The following HOOK2 variants were observed in gnomAD, a reference collection of about 807,000 sequenced individuals.
HOOK2 encodes protein Hook homolog 2.
HOOK2 carries 108 observed loss-of-function variants against 111.9 expected under a neutral mutation model. The ratio of observed to expected loss-of-function variants is 0.96; its 90% CI spans 0.83 to 1.13. HOOK2 has a LOEUF of 1.13. Ranked by LOEUF, HOOK2 falls within the 50% of genes most tolerant of loss-of-function variation. The pLI is 0.00. For synonymous variants in HOOK2, 405 were observed against 394.3 expected, an observed-to-expected ratio of 1.03 and a Z score of -0.32; for missense variants, 978 against 951.3, an observed-to-expected ratio of 1.03 and a Z score of -0.37.
At position 12,766,163 on chromosome 19, in the gene HOOK2, T is replaced by TG; in HGVS notation, c.1450_1451insC (p.Glu484AlafsTer49). On this transcript the variant is annotated frameshift_variant, in exon 15 of 23. Transcript: ENST00000397668. LOFTEE classifies it high-confidence loss of function. Reference sequence around the variant, plus strand: ...GGCATCCTCCAGGTGGCGCTGCAGCTCCTCCTGCCGCTCCCGGTCGGCCGC... The same window carrying TG: ...GGCATCCTCCAGGTGGCGCTGCAGCTGCCTCCTGCCGCTCCCGGTCGGCCGC... 6.3e-7 allele frequency: 1 copy of TG among 1,596,120 alleles called. No individual in the cohort carries two copies. Among genetic ancestry groups the TG allele is most frequent in the Non-Finnish European group, 8.5e-7 (1 of 1,178,054 alleles).
chr19:12,774,552 G>A (rs757432208), intron 3 of HOOK2, 117 bp downstream of exon 3: 1 of 965,128 alleles, frequency 1.0e-6, no homozygotes, highest in African/African-American at 1.6e-5. Flanking sequence ...TGAACAAATG[G>A]TTGATCACCA....
At chr19:12,770,263 C>T (rs555050475) in intron 10 of HOOK2, among the ~76,000 whole-genome samples, 181 bp from the exon 11 acceptor site, 2 of 152,054 alleles carry the variant, frequency 1.3e-5, no homozygotes, top group South Asian at 2.1e-4. Flanking sequence ...AGAGTCATTA[C>T]AGCAATGGTT....
At position 12,772,241 on chromosome 19, in the gene HOOK2, T is replaced by G. The variant is rs977683666; in HGVS notation, c.468A>C (p.Lys156Asn). The part of the protein sequence containing the change: ...VMEAIQELMT[K>N]DTPDSLSPET... Reference sequence around the variant, plus strand: ...CTGGTGACAGGGAGTCAGGAGTGTCTTTGGTCATGAGCTGAGGAGTGGGAA... The same window carrying G: ...CTGGTGACAGGGAGTCAGGAGTGTCGTTGGTCATGAGCTGAGGAGTGGGAA... The change falls in exon 7 of 23, where the codon AAA becomes AAC. Residue 156 changes from lysine to asparagine, a missense_variant. Coordinates refer to ENST00000397668, the MANE Select transcript of HOOK2 (RefSeq NM_013312.3). The G allele has an allele frequency of 6.2e-7, 1 of 1,614,080 alleles. No homozygotes were observed. The highest frequency in any genetic ancestry group is 1.1e-5 in the South Asian group (1 of 91,090).
At chr19:12,777,355 G>T (rs536662087), upstream of HOOK2, among the ~76,000 whole-genome samples, 2 of 150,878 alleles carry the variant, frequency 1.3e-5, no homozygotes, top group African/African-American at 4.9e-5. Context: ...GGTGGCACGC[G>T]CCTATTCCCA....
rs137914046 is a variant in HOOK2 at position 12,790,866 on chromosome 19, A to G, written n.42-16641T>C. On this transcript the variant is annotated intron_variant and non_coding_transcript_variant, in intron 3 of 3. Transcript: ENST00000589765. The surrounding 1 kb of genome is among the most constrained non-coding windows in gnomAD (Gnocchi z 7.2). ...AGCTCCCATGAGCTCCTGGACCCCT[A>G]CTCATTTCTTGCAATTTAATGGGTC... Among the ~76,000 whole-genome samples, 1 of 151,370 alleles carries G rather than the reference A, an allele frequency of 6.6e-6. No individual in the cohort carries two copies. Among genetic ancestry groups the G allele is most frequent in the Non-Finnish European group, 1.5e-5 (1 of 67,834 alleles).
chr19:12,771,624 T>C (rs898613497), intron 7 of HOOK2, 147 bp from the exon 8 acceptor site: 1 of 695,826 alleles, frequency 1.4e-6, no homozygotes, highest in Non-Finnish European at 2.4e-6. Context: ...GGCTCGCGCC[T>C]ATAATCCCAG....
At chr19:12,764,279 G>C (rs1968083992) in intron 20 of HOOK2, 1 of 158,532 alleles carries the variant, frequency 6.3e-6, no homozygotes, top group Non-Finnish European at 1.4e-5. Flanking sequence ...CTCCCAAAGT[G>C]CTGGGATTAG....
intron 7 of HOOK2, chr19:12,771,978 C>T (rs1968350432): frequency 3.6e-6 from 2 of 563,044 alleles, no homozygotes; most frequent in Admixed American, 6.0e-5. Flanking sequence ...AGACCTGGTA[C>T]AGGAAGTGGC....
upstream of HOOK2, among the ~76,000 whole-genome samples, chr19:12,778,911 G>A (rs944089361): frequency 2.6e-5 from 4 of 152,150 alleles, no homozygotes; most frequent in South Asian, 2.1e-4. Flanking sequence ...ATGTCGGCGG[G>A]GAAGACAGCA....
chr19:12,765,671 C>G lies in HOOK2; in HGVS notation c.1640+19G>C. 1.2e-6 allele frequency: 2 copies of G among 1,614,088 alleles called. No homozygotes were observed. Among genetic ancestry groups the G allele is most frequent in the Non-Finnish European group, 1.7e-6 (2 of 1,179,984 alleles). On this transcript the variant is annotated intron_variant, in intron 18 of 22. Transcript: ENST00000397668. ...CAAATCCATGCCCCCACGAGGAGTTCCCTCTTTCTGCGACTTACAAATGTT... is the reference window on the plus strand; with the variant it reads ...CAAATCCATGCCCCCACGAGGAGTTGCCTCTTTCTGCGACTTACAAATGTT...
intron 3 of HOOK2, 169 bp from the exon 4 acceptor site, chr19:12,773,213 G>C (rs1968388492): frequency 3.8e-6 from 2 of 520,322 alleles, no homozygotes; most frequent in Non-Finnish European, 3.4e-6. Flanking sequence ...CCTTTTGTCT[G>C]CCTGACCATC....
At position 12,771,530 on chromosome 19, in the gene HOOK2, G is replaced by A. The variant is rs895997053; in HGVS notation, c.520-53C>T. On this transcript the variant is annotated intron_variant, in intron 7 of 22. Transcript: ENST00000397668. ...CAGGGATTCAGGAGAAGGACGGGGG[G>A]AGGGAGGCTGAGATCTCTAGAGGCC... 3.9e-5 allele frequency: 58 copies of A among 1,472,908 alleles called. No individual in the cohort carries two copies. The African/African-American group carries it at 6.9e-4, about 18-fold the overall frequency. 91.2% of individuals were successfully genotyped at this position (1,472,908 alleles called of 1,614,324 possible). A position where few individuals can be genotyped will look rare whatever the true frequency, so the allele number is the denominator to read the frequency against.
chr19:12,775,046 T>A (rs1254664252), intron 1 of HOOK2, 149 bp from the exon 2 acceptor site: 2 of 1,113,698 alleles, frequency 1.8e-6, no homozygotes, highest in Non-Finnish European at 2.5e-6. Context: ...TGGCTTCTGC[T>A]CACCTGAGAC....
At chr19:12,775,149 C>T in intron 1 of HOOK2, 1 of 977,564 alleles carries the variant, frequency 1.0e-6, no homozygotes, top group South Asian at 4.7e-5. Flanking sequence ...CCCACAGGCA[C>T]CACGTGACCA....
intron 4 of HOOK2, 22 bp from the exon 5 acceptor site, chr19:12,772,934 G>A (rs1011846423): frequency 6.2e-7 from 1 of 1,614,188 alleles, no homozygotes. Context: ...GGGGTGTCAG[G>A]GGCTCATGGG....
At chr19:12,792,118 G>A (rs960436516) in intron 3 of HOOK2, 1 of 1,599,362 alleles carries the variant, frequency 6.3e-7, no homozygotes, top group South Asian at 1.1e-5. Context: ...CGCGGGGGTG[G>A]CAGCGGTGGA....
Position 12,791,485 on chromosome 19 carries a change from T to TGGGACCTTGAGAGCGGCC in HOOK2, n.42-17278_42-17261dup. On this transcript the variant is annotated intron_variant and non_coding_transcript_variant, in intron 3 of 3. Coordinates refer to the HOOK2 transcript ENST00000589765. This position sits in a 1 kb window ranked among gnomAD's most constrained non-coding sequence, Gnocchi z 7.0. ...AGGCGTGTGGCTCAGGCTGAGCGGC[T>TGGGACCTTGAGAGCGGCC]GGGACCTTGAGAGCGGCCAGGCCAG... 2.7e-6 allele frequency: 1 copy of TGGGACCTTGAGAGCGGCC among 375,682 alleles called. No homozygotes were observed. Among genetic ancestry groups the TGGGACCTTGAGAGCGGCC allele is most frequent in the Non-Finnish European group, 4.8e-6 (1 of 208,386 alleles). 23.3% of individuals were successfully genotyped at this position (375,682 alleles called of 1,614,324 possible). A position where few individuals can be genotyped will look rare whatever the true frequency, so the allele number is the denominator to read the frequency against.
In HOOK2 at chr19:12,791,913, C is replaced by T; in HGVS notation, n.42-17688G>A. Reference sequence around the variant, plus strand: ...GGCGGTCAACCTGGCCGACCCCTACCGGAGTCTCAAAGCGCCTGGGGCTCG... The same window carrying T: ...GGCGGTCAACCTGGCCGACCCCTACTGGAGTCTCAAAGCGCCTGGGGCTCG... On this transcript the variant is annotated intron_variant and non_coding_transcript_variant, in intron 3 of 3. Transcript: ENST00000589765. The surrounding 1 kb of genome is among the most constrained non-coding windows in gnomAD (Gnocchi z 7.0). 4 of 1,613,202 alleles carry T rather than the reference C, an allele frequency of 2.5e-6. No individual in the cohort carries two copies. Among genetic ancestry groups the T allele is most frequent in the Non-Finnish European group, 3.4e-6 (4 of 1,179,874 alleles).
At chr19:12,769,847 C>G in intron 11 of HOOK2, 34 bp downstream of exon 11, 1 of 1,376,816 alleles carries the variant, frequency 7.3e-7, no homozygotes. Context: ...CTGCCAGGGG[C>G]GGGGCCCCGG....
Sources: allele counts gnomAD v4.1 joint callset (sites outside exome capture counted in the v4.1 genomes callset), GRCh38; gene constraint gnomAD v4.1.1; non-coding constraint Gnocchi (gnomAD v3.1); transcripts MANE v1.5; gene names NCBI Gene and HGNC (gene_info 2026-07-23, HGNC 2026-07-21).